CACNA2D4: variants seen among roughly 807,000 people sequenced by gnomAD.
The protein encoded by CACNA2D4 is voltage-dependent calcium channel subunit alpha-2/delta-4.
A neutral mutation model predicts 163.8 loss-of-function variants in CACNA2D4; 157 were observed. The ratio of observed to expected loss-of-function variants is 0.96; its 90% CI spans 0.84 to 1.09. The LOEUF is 1.09. Ranked by LOEUF, CACNA2D4 falls within the 50% of genes least tolerant of loss-of-function variation. The pLI is 0.00. For missense variants in CACNA2D4, 1,410 were observed against 1,479.9 expected (o/e 0.95, Z 0.78); for synonymous variants, 598 against 586.9 (o/e 1.02, Z -0.27).
chr12:1,832,500 T>C (rs1425445858), intron 26 of CACNA2D4, among the ~76,000 whole-genome samples: 1 of 152,244 alleles, frequency 6.6e-6, no homozygotes, highest in African/African-American at 2.4e-5. Context: ...CAATGAATGT[T>C]TGCTGGGCTA....
rs1039201234 is a variant in CACNA2D4, at chr12:1,875,761, C to T, written c.1720-424G>A. ...CTGGGATTTCCAAAGATACTTGTCA[C>T]GCCTAAGACTTCACTGCTCCAACTG... is the stretch of plus-strand genomic sequence containing the variant. On this transcript the variant is annotated intron_variant, in intron 16 of 37. Transcript: ENST00000382722. The surrounding 1 kb of genome is among the most constrained non-coding windows in gnomAD (Gnocchi z 4.0). 1.2e-4 allele frequency among the ~76,000 whole-genome samples: 19 copies of T among 152,228 alleles called. No individual in the cohort carries two copies. Among genetic ancestry groups the T allele is most frequent in the Non-Finnish European group, 7.3e-5 (5 of 68,044 alleles).
rs1266975953 is a variant in CACNA2D4, at chr12:1,860,088, G to A, written c.1940+57C>T. ...CCACAAAATTGCCAACTAAATATGAGTTGCTGGTATTCATGTTCAACCCTC... is the reference window on the plus strand; with the variant it reads ...CCACAAAATTGCCAACTAAATATGAATTGCTGGTATTCATGTTCAACCCTC... On this transcript the variant is annotated intron_variant, in intron 19 of 37. Coordinates refer to ENST00000382722, the MANE Select transcript of CACNA2D4 (RefSeq NM_172364.5). 2.8e-6 allele frequency: 4 copies of A among 1,406,166 alleles called. No homozygotes were observed. In the African/African-American group the frequency reaches 4.2e-5, roughly 15 times the overall value. 87.1% of individuals were successfully genotyped at this position (1,406,166 alleles called of 1,614,324 possible).
rs912919481 is a variant in CACNA2D4 at position 1,875,543 on chromosome 12, G to A, written c.1720-206C>T. ...TGACATCTATGACAGATGGTCTCACGGCCTCTGAGTGAATCTTCCCCATGG... is the reference window on the plus strand; with the variant it reads ...TGACATCTATGACAGATGGTCTCACAGCCTCTGAGTGAATCTTCCCCATGG... On this transcript the variant is annotated intron_variant, in intron 16 of 37. Coordinates refer to ENST00000382722, the MANE Select transcript of CACNA2D4 (RefSeq NM_172364.5). The surrounding 1 kb of genome is among the most constrained non-coding windows in gnomAD (Gnocchi z 4.0). Among the ~76,000 whole-genome samples the A allele has an allele frequency of 7.9e-5, 12 of 151,948 alleles. No individual in the cohort carries two copies. Among genetic ancestry groups the A allele is most frequent in the African/African-American group, 2.4e-4 (10 of 41,366 alleles).
chr12:1,907,095 T>C (rs1241557165), intron 6 of CACNA2D4, among the ~76,000 whole-genome samples: 1 of 152,274 alleles, frequency 6.6e-6, no homozygotes, highest in Non-Finnish European at 1.5e-5. Context: ...GTGCGCCTCA[T>C]TTTTCCAATT....
Position 1,878,402 on chromosome 12 carries a change from A to G in CACNA2D4, c.1645-13T>C, listed in dbSNP as rs763820894. ...CGTGCACTCCAAGCTGCCAGAGTCC[A>G]GGGTGGAGGCGCATTAGGCCTGCTG... is the stretch of plus-strand genomic sequence containing the variant. On this transcript the variant is annotated splice_polypyrimidine_tract_variant and intron_variant, in intron 15 of 37. Transcript: ENST00000382722. This position sits in a 1 kb window ranked among gnomAD's most constrained non-coding sequence, Gnocchi z 4.6. 1 of 1,592,930 alleles carries G rather than the reference A, an allele frequency of 6.3e-7. No individual in the cohort carries two copies. Among genetic ancestry groups the G allele is most frequent in the Non-Finnish European group, 8.5e-7 (1 of 1,169,742 alleles).
chr12:1,817,695 G>C (rs546522395), intron 26 of CACNA2D4, among the ~76,000 whole-genome samples: 1 of 151,934 alleles, frequency 6.6e-6, no homozygotes, highest in African/African-American at 2.4e-5. Context: ...TGTGTTGGCC[G>C]GGCTGGTCTC....
intron 22 of CACNA2D4, among the ~76,000 whole-genome samples, chr12:1,854,992 A>C (rs1865368034): frequency 6.6e-6 from 1 of 152,048 alleles, no homozygotes; most frequent in South Asian, 2.1e-4. Context: ...CCCAAAGGAG[A>C]TCCTCCTCAC....
chr12:1,910,326 T>C (rs1014759836), intron 3 of CACNA2D4, among the ~76,000 whole-genome samples: 2 of 152,222 alleles, frequency 1.3e-5, no homozygotes, highest in African/African-American at 4.8e-5. Flanking sequence ...GATACTGTAA[T>C]AGTGGATGCA....
chr12:1,846,767 GCCTCTC>G, intron 23 of CACNA2D4, 78 bp from the exon 24 acceptor site: 1 of 1,149,944 alleles, frequency 8.7e-7, no homozygotes, highest in Non-Finnish European at 1.3e-6. Context: ...GGGTTTGGGG[GCCTCTC>G]CTTGCTCCTG....
At chr12:1,857,035 A>T (rs1408305095) in intron 20 of CACNA2D4, among the ~76,000 whole-genome samples, 1 of 152,198 alleles carries the variant, frequency 6.6e-6, no homozygotes, top group Non-Finnish European at 1.5e-5. Context: ...AGGAGTGGGT[A>T]TAAGACAGCA....
chr12:1,827,994 G>A (rs1044167882), intron 26 of CACNA2D4: 6 of 531,292 alleles, frequency 1.1e-5, no homozygotes, highest in Non-Finnish European at 3.2e-6. Context: ...AGTGTAAAGA[G>A]ACACCCGGGC....
intron 23 of CACNA2D4, among the ~76,000 whole-genome samples, chr12:1,848,861 G>A (rs1865213214): frequency 6.6e-6 from 1 of 152,100 alleles, no homozygotes; most frequent in Non-Finnish European, 1.5e-5. Flanking sequence ...TCTCGCCTGA[G>A]CCTGCCATGA....
At chr12:1,906,360 A>T (rs1283198304) in intron 6 of CACNA2D4, among the ~76,000 whole-genome samples, 3 of 152,246 alleles carry the variant, frequency 2.0e-5, no homozygotes, top group African/African-American at 7.2e-5. Flanking sequence ...TCAAAAGACA[A>T]TATGAACAGA....
At chr12:1,915,367 A>G in intron 1 of CACNA2D4, 1 of 647,862 alleles carries the variant, frequency 1.5e-6, no homozygotes, top group Non-Finnish European at 2.8e-6. Context: ...CCAAGCTTCC[A>G]GGGCCTCTGG....
intron 18 of CACNA2D4, among the ~76,000 whole-genome samples, chr12:1,867,137 A>G (rs1457060325): frequency 6.6e-6 from 1 of 150,950 alleles, no homozygotes; most frequent in African/African-American, 2.4e-5. Flanking sequence ...TTACCTTTGG[A>G]TTTTAGTAGC....
intron 26 of CACNA2D4, among the ~76,000 whole-genome samples, chr12:1,815,034 C>T (rs1198162491): frequency 2.6e-5 from 4 of 152,172 alleles, no homozygotes; most frequent in East Asian, 3.9e-4. Context: ...GGATTACAGG[C>T]GCGTGTGATA....
intron 26 of CACNA2D4, among the ~76,000 whole-genome samples, chr12:1,814,781 C>T (rs774002736): frequency 6.6e-6 from 1 of 152,240 alleles, no homozygotes; most frequent in Non-Finnish European, 1.5e-5. Flanking sequence ...CCCCGCCTTG[C>T]ATCCTGCCTC....
chr12:1,848,717 T>G (rs542708113), intron 23 of CACNA2D4, among the ~76,000 whole-genome samples: 1 of 151,748 alleles, frequency 6.6e-6, no homozygotes, highest in East Asian at 1.9e-4. Context: ...AGTATCATTA[T>G]GAACCCAAGT....
At chr12:1,810,800 G>A (rs1863680184) in intron 27 of CACNA2D4, among the ~76,000 whole-genome samples, 1 of 152,156 alleles carries the variant, frequency 6.6e-6, no homozygotes, top group Non-Finnish European at 1.5e-5. Context: ...GTGCATGTGT[G>A]TGTCTATGTG....
Sources: gnomAD v4.1 joint callset for allele counts (sites outside exome capture counted in the v4.1 genomes callset) on GRCh38, gnomAD v4.1.1 for gene constraint, Gnocchi (gnomAD v3.1) non-coding constraint, MANE v1.5 for transcripts, NCBI Gene and HGNC (gene_info 2026-07-23, HGNC 2026-07-21) for gene names.